Variants in GRM5 observed in about 807,000 individuals in gnomAD.
The protein encoded by GRM5 is metabotropic glutamate receptor 5.
Under a neutral mutation model 83.1 loss-of-function variants are expected in GRM5, and 19 were observed. The observed-to-expected ratio is 0.23, with a 90% CI of 0.16 to 0.34. The LOEUF (loss-of-function observed/expected upper bound fraction) is 0.34, where lower values mean the gene tolerates loss of function less well. Among genes scored for constraint, GRM5 ranks in the 10% least tolerant of loss-of-function variants. GRM5 has a pLI of 1.00. For missense variants in GRM5, 1,160 were observed against 1,588.3 expected (o/e 0.73, Z 4.58); for synonymous variants, 675 against 633.6 (o/e 1.07, Z -0.98).
intron 2 of GRM5, among the ~76,000 whole-genome samples, chr11:88,971,847 G>C (rs1327635413): frequency 6.6e-6 from 1 of 152,092 alleles, no homozygotes; most frequent in South Asian, 2.1e-4. Context: ...GGGAGCCAGA[G>C]CTTCCTGGGG....
At chr11:89,011,907 T>C (rs753487471) in intron 2 of GRM5, among the ~76,000 whole-genome samples, 10 of 152,240 alleles carry the variant, frequency 6.6e-5, no homozygotes, top group Non-Finnish European at 1.5e-4. Context: ...AATTAAAAAT[T>C]TGATCGTTTC....
chr11:88,909,333 C>G (rs1228429631), intron 2 of GRM5, among the ~76,000 whole-genome samples: 1 of 152,030 alleles, frequency 6.6e-6, no homozygotes, highest in Non-Finnish European at 1.5e-5. Flanking sequence ...TATACTTCCT[C>G]GCTCAAAGTG....
At chr11:88,515,126 A>C (rs1481050249) in intron 9 of GRM5, among the ~76,000 whole-genome samples, 2 of 152,176 alleles carry the variant, frequency 1.3e-5, no homozygotes, top group South Asian at 2.1e-4. Context: ...TAAAGTGCTT[A>C]ATGGTACTAG....
intron 3 of GRM5, among the ~76,000 whole-genome samples, chr11:88,770,603 A>C (rs1452593481): frequency 6.6e-6 from 1 of 152,154 alleles, no homozygotes; most frequent in Non-Finnish European, 1.5e-5. Context: ...TGTGGAAAGC[A>C]GAAATTGTTG....
intron 3 of GRM5, among the ~76,000 whole-genome samples, chr11:88,682,872 A>G (rs1250242072): frequency 2.7e-5 from 4 of 146,456 alleles, no homozygotes; most frequent in Non-Finnish European, 4.5e-5. Flanking sequence ...TTTTCTTTGT[A>G]TTTCCCACAA....
At chr11:88,919,479 T>C (rs1432611974) in intron 2 of GRM5, among the ~76,000 whole-genome samples, 2 of 150,972 alleles carry the variant, frequency 1.3e-5, no homozygotes, top group Admixed American at 6.6e-5. Context: ...ACTTGCAGGA[T>C]TGGACAGATT....
At chr11:88,680,130 T>C (rs1321834306) in intron 3 of GRM5, among the ~76,000 whole-genome samples, 4 of 152,176 alleles carry the variant, frequency 2.6e-5, no homozygotes, top group African/African-American at 9.7e-5. Context: ...GTGCACAACA[T>C]GCAGGTTTGT....
chr11:88,809,217 T>C (rs952330765), intron 3 of GRM5, among the ~76,000 whole-genome samples: 9 of 151,982 alleles, frequency 5.9e-5, no homozygotes, highest in Non-Finnish European at 1.3e-4. Context: ...GAGAGGGAAA[T>C]ATCCAGCTGG....
intron 3 of GRM5, among the ~76,000 whole-genome samples, chr11:88,849,000 G>T (rs991519752): frequency 2.3e-4 from 35 of 152,100 alleles, no homozygotes; most frequent in Admixed American, 2.3e-3. Flanking sequence ...ATCTTGAATT[G>T]CAAGCCTACC....
At chr11:88,741,485 CTG>C (rs1942027966) in intron 3 of GRM5, among the ~76,000 whole-genome samples, 2 of 152,058 alleles carry the variant, frequency 1.3e-5, no homozygotes, top group African/African-American at 2.4e-5. Flanking sequence ...AACTCAAAAA[CTG>C]TAAATATTTG....
rs192890551 is a variant in GRM5 at position 88,967,065 on chromosome 11, A to G, written c.661+80147T>C. Reference sequence around the variant, plus strand: ...CATAGTACATCTAATAAAATTTGAGACCAATCTAAGTGTTTCAATCAGATG... The same window carrying G: ...CATAGTACATCTAATAAAATTTGAGGCCAATCTAAGTGTTTCAATCAGATG... On this transcript the variant is annotated intron_variant, in intron 2 of 9. Transcript: ENST00000305447. Among the ~76,000 whole-genome samples the G allele has an allele frequency of 2.3e-3, 348 of 152,066 alleles. 3 individuals carry two copies. The highest frequency in any genetic ancestry group is 8.0e-3 in the African/African-American group (331 of 41,494).
chr11:88,728,188 G>T (rs1473391238), intron 3 of GRM5, among the ~76,000 whole-genome samples: 1 of 151,770 alleles, frequency 6.6e-6, no homozygotes, highest in Non-Finnish European at 1.5e-5. Flanking sequence ...AATGATAAAG[G>T]GGATATCACC....
At chr11:88,564,572 A>G (rs1553132) in intron 8 of GRM5, among the ~76,000 whole-genome samples, 37,761 of 152,160 alleles carry the variant, frequency 0.25, 4,744 homozygotes, top group Admixed American at 0.32. Context: ...TAATCTTATA[A>G]AAGTTAATAG....
chr11:88,880,494 C>T (rs1944934209), intron 2 of GRM5, among the ~76,000 whole-genome samples: 1 of 152,084 alleles, frequency 6.6e-6, no homozygotes. Context: ...CTGAATTAAC[C>T]TTATAAAAAG....
intron 2 of GRM5, among the ~76,000 whole-genome samples, chr11:88,956,334 T>C (rs1938611442): frequency 6.6e-6 from 1 of 152,264 alleles, no homozygotes; most frequent in African/African-American, 2.4e-5. Context: ...GGTACACTGA[T>C]TCTAATTAAG....
At chr11:88,665,703 G>T (rs1393167876) in intron 3 of GRM5, among the ~76,000 whole-genome samples, 2 of 151,970 alleles carry the variant, frequency 1.3e-5, no homozygotes, top group African/African-American at 4.8e-5. Context: ...TCACATAATA[G>T]AAACTGAACA....
rs529451360 is a variant in GRM5 at position 88,732,295 on chromosome 11, G to A, written c.912-78892C>T. Among the ~76,000 whole-genome samples the A allele has an allele frequency of 7.9e-5, 12 of 152,100 alleles. No homozygotes were observed. In the East Asian group the frequency reaches 9.7e-4, roughly 12 times the overall value. On this transcript the variant is annotated intron_variant, in intron 3 of 9. Transcript: ENST00000305447. ...ATGGACATATCAATTAATGTTTTTCGAATGAATGAACCAATGAACCTATGT... is the reference window on the plus strand; with the variant it reads ...ATGGACATATCAATTAATGTTTTTCAAATGAATGAACCAATGAACCTATGT...
At chr11:88,547,497 G>A (rs899630658) in intron 8 of GRM5, among the ~76,000 whole-genome samples, 12 of 152,250 alleles carry the variant, frequency 7.9e-5, no homozygotes, top group Non-Finnish European at 1.8e-4. Context: ...TGTGCCTGCC[G>A]TTATCTCTTG....
At chr11:88,786,890 C>A (rs1225711347) in intron 3 of GRM5, among the ~76,000 whole-genome samples, 15 of 151,968 alleles carry the variant, frequency 9.9e-5, no homozygotes, top group Admixed American at 9.9e-4. Context: ...GCTTCTGGCA[C>A]ATAAGAGGCA....
Sources: allele counts gnomAD v4.1 joint callset (sites outside exome capture counted in the v4.1 genomes callset), GRCh38; gene constraint gnomAD v4.1.1; transcripts MANE v1.5; gene names NCBI Gene and HGNC (gene_info 2026-07-23, HGNC 2026-07-21).